EPB41L2: variants seen among roughly 807,000 people sequenced by gnomAD.
EPB41L2 encodes band 4.1-like protein 2.
A neutral mutation model predicts 113.0 loss-of-function variants in EPB41L2; 43 were observed. The observed-to-expected ratio is 0.38, with a 90% confidence interval of 0.30 to 0.49. The LOEUF is 0.49. Ranked by LOEUF, EPB41L2 falls within the 20% of genes least tolerant of loss-of-function variation. The probability of loss-of-function intolerance (pLI) is 0.95; values close to 1 mark genes in which losing one functional copy is unlikely to be tolerated. For missense variants in EPB41L2, 1,147 were observed against 1,223.4 expected, an observed-to-expected ratio of 0.94 and a Z score of 0.93; for synonymous variants, 442 against 436.7, an observed-to-expected ratio of 1.01 and a Z score of -0.15.
In EPB41L2 at chr6:130,869,676, C is replaced by T; in HGVS notation, c.2494G>A (p.Gly832Ser). Residue 832 changes from glycine (G) to serine (S), a missense_variant, in exon 15 of 20, where the codon GGC becomes AGC. By Grantham distance (56) the Gly-to-Ser change is moderately conservative (BLOSUM62 0). Coordinates refer to ENST00000337057, the MANE Select transcript of EPB41L2 (RefSeq NM_001431.4). ...TCTCCCATGTCTTGCTTAAGAGCGCCTTCGTGTACACTCTTCTCTCCGGGT... is the reference window on the plus strand; with the variant it reads ...TCTCCCATGTCTTGCTTAAGAGCGCTTTCGTGTACACTCTTCTCTCCGGGT... ...KIPGEKSVHE[G>S]ALKQDMGEEA... 6.2e-7 allele frequency: 1 copy of T among 1,614,196 alleles called. No homozygotes were observed. The highest frequency in any genetic ancestry group is 8.5e-7 in the Non-Finnish European group (1 of 1,180,050).
rs1783047369 is a variant in EPB41L2 at position 130,996,134 on chromosome 6, C to T, written c.-14-39635G>A. Among the ~76,000 whole-genome samples, 3 of 152,130 alleles carry T rather than the reference C, an allele frequency of 2.0e-5. No individual in the cohort carries two copies. The South Asian group carries it at 6.2e-4, about 32-fold the overall frequency. On this transcript the variant is annotated intron_variant, in intron 1 of 19. Transcript: ENST00000337057. Reference sequence around the variant, plus strand: ...TCCTCTCACTTATACCCCTTAGTTACAAAAGAACATCCATATAAAGAGTTG... The same window carrying T: ...TCCTCTCACTTATACCCCTTAGTTATAAAAGAACATCCATATAAAGAGTTG...
intron 14 of EPB41L2, among the ~76,000 whole-genome samples, chr6:130,874,458 A>C (rs1412716752): frequency 6.6e-6 from 1 of 152,192 alleles, no homozygotes; most frequent in Admixed American, 6.5e-5. Flanking sequence ...ACAAAGACAG[A>C]AATTGAAAAG....
Position 130,991,290 on chromosome 6 carries a change from C to T in EPB41L2, c.-14-34791G>A, listed in dbSNP as rs115200803. On this transcript the variant is annotated intron_variant, in intron 1 of 19. Transcript: ENST00000337057. Reference sequence around the variant, plus strand: ...ACAGCTATGTCCTCTTCCACACACACAAAACACAATGGTAGTCATATGGGT... The same window carrying T: ...ACAGCTATGTCCTCTTCCACACACATAAAACACAATGGTAGTCATATGGGT... 6.1e-3 allele frequency among the ~76,000 whole-genome samples: 935 copies of T among 152,282 alleles called. 14 individuals are homozygous for T. Among genetic ancestry groups the T allele is most frequent in the African/African-American group, 0.021 (879 of 41,556 alleles).
At chr6:130,911,076 G>A (rs1043913862) in intron 4 of EPB41L2, among the ~76,000 whole-genome samples, 60 of 152,152 alleles carry the variant, frequency 3.9e-4, no homozygotes, top group African/African-American at 1.3e-3. Context: ...ACATGCACAC[G>A]TATGTTTATT....
At chr6:131,005,553 A>G (rs1785307198) in intron 1 of EPB41L2, among the ~76,000 whole-genome samples, 1 of 152,230 alleles carries the variant, frequency 6.6e-6, no homozygotes, top group South Asian at 2.1e-4. Context: ...CCAAGCCTTC[A>G]CATGTATAAT....
chr6:131,023,204 A>G (rs778943320), intron 1 of EPB41L2, among the ~76,000 whole-genome samples: 3 of 152,228 alleles, frequency 2.0e-5, no homozygotes, highest in Non-Finnish European at 2.9e-5. Context: ...TGTGACTACT[A>G]TGTAATAAAT....
chr6:131,039,210 C>T (rs1196434128), intron 1 of EPB41L2, among the ~76,000 whole-genome samples: 1 of 152,194 alleles, frequency 6.6e-6, no homozygotes, highest in African/African-American at 2.4e-5. Flanking sequence ...GAATGTTTAG[C>T]TATGTTATGT....
chr6:130,879,943 G>A (rs1449281146), intron 13 of EPB41L2, among the ~76,000 whole-genome samples: 1 of 152,112 alleles, frequency 6.6e-6, no homozygotes, highest in Non-Finnish European at 1.5e-5. Context: ...GTCACTTTGA[G>A]AACTTCTAGT....
intron 4 of EPB41L2, among the ~76,000 whole-genome samples, chr6:130,910,276 G>A (rs1583343431): frequency 6.6e-6 from 1 of 152,266 alleles, no homozygotes; most frequent in South Asian, 2.1e-4. Context: ...CAAGCAATGA[G>A]GAAAGGATTC....
intron 14 of EPB41L2, 88 bp from the exon 15 acceptor site, chr6:130,870,214 T>C (rs1449146303): frequency 4.2e-5 from 64 of 1,531,600 alleles, no homozygotes; most frequent in East Asian, 2.4e-5. Flanking sequence ...GGCAGATTCA[T>C]GTCATGGAGA....
intron 1 of EPB41L2, among the ~76,000 whole-genome samples, chr6:131,056,264 GT>G (rs1340063429): frequency 6.6e-6 from 1 of 152,080 alleles, no homozygotes; most frequent in East Asian, 1.9e-4. Context: ...TTTTCAACAA[GT>G]TTACTGTGGT....
intron 10 of EPB41L2, among the ~76,000 whole-genome samples, chr6:130,892,729 G>A (rs1793385183): frequency 6.6e-6 from 1 of 152,094 alleles, no homozygotes; most frequent in African/African-American, 2.4e-5. Flanking sequence ...ATAGCAAACT[G>A]TGATACCAAA....
chr6:130,840,761 G>A (rs1775212792), intron 19 of EPB41L2, among the ~76,000 whole-genome samples, 163 bp from the exon 20 acceptor site: 1 of 152,132 alleles, frequency 6.6e-6, no homozygotes, highest in Non-Finnish European at 1.5e-5. Flanking sequence ...AGACAAGCAT[G>A]AGACACTATT....
chr6:131,008,064 C>T (rs1786011312), intron 1 of EPB41L2, among the ~76,000 whole-genome samples: 1 of 152,252 alleles, frequency 6.6e-6, no homozygotes, highest in Admixed American at 6.5e-5. Context: ...AATCCCAAGA[C>T]AATGGGAAAA....
chr6:130,960,546 A>G (rs1773226339), intron 1 of EPB41L2, among the ~76,000 whole-genome samples: 1 of 152,132 alleles, frequency 6.6e-6, no homozygotes, highest in South Asian at 2.1e-4. Flanking sequence ...AAGGGTTAAG[A>G]GCCTCAAAAG....
chr6:130,890,172 G>A (rs781629220), intron 11 of EPB41L2, 122 bp downstream of exon 11: 25 of 969,422 alleles, frequency 2.6e-5, no homozygotes, highest in Non-Finnish European at 3.3e-5. Flanking sequence ...TTATTTACTC[G>A]GGAAAAAATG....
intron 1 of EPB41L2, among the ~76,000 whole-genome samples, chr6:131,009,183 CA>C (rs1205859945): frequency 2.6e-5 from 4 of 152,122 alleles, no homozygotes; most frequent in African/African-American, 9.7e-5. Flanking sequence ...GGCAGTTCCC[CA>C]AGCTGTTCTT....
intron 3 of EPB41L2, among the ~76,000 whole-genome samples, chr6:130,942,148 T>C (rs1433634536): frequency 6.6e-6 from 1 of 152,222 alleles, no homozygotes; most frequent in Non-Finnish European, 1.5e-5. Context: ...ATACTAATGA[T>C]AAATTCTGTC....
chr6:130,897,800 G>C (rs920228368), intron 8 of EPB41L2, among the ~76,000 whole-genome samples: 6 of 152,140 alleles, frequency 3.9e-5, no homozygotes, highest in Non-Finnish European at 7.3e-5. Flanking sequence ...CAGGCAGATA[G>C]ACCATTTAAC....
Sources: gnomAD v4.1 joint callset for allele counts (sites outside exome capture counted in the v4.1 genomes callset) on GRCh38, gnomAD v4.1.1 for gene constraint, MANE v1.5 for transcripts, NCBI Gene and HGNC (gene_info 2026-07-23, HGNC 2026-07-21) for gene names.